GABRB2: variants seen among roughly 807,000 people sequenced by gnomAD.
GABRB2 encodes gamma-aminobutyric acid type A receptor subunit beta2, also known as gamma-aminobutyric acid receptor subunit beta-2.
GABRB2 carries 16 observed loss-of-function variants against 54.7 expected under a neutral mutation model. The ratio of observed to expected loss-of-function variants is 0.29; its 90% CI spans 0.20 to 0.44. The LOEUF is 0.44. GABRB2 is among the 20% of genes least tolerant of loss of function. GABRB2 has a pLI of 1.00. For synonymous variants in GABRB2, 244 were observed against 233.8 expected (o/e 1.04, Z -0.40); for missense variants, 355 against 644.0 (o/e 0.55, Z 4.86).
Position 161,444,835 on chromosome 5 carries a change from T to G in GABRB2, c.458+14789A>C, listed in dbSNP as rs547053470. Among the ~76,000 whole-genome samples the G allele has an allele frequency of 3.7e-4, 56 of 152,318 alleles. 1 individual carries two copies. The highest frequency in any genetic ancestry group is 1.3e-3 in the African/African-American group (54 of 41,578). The stretch of plus-strand genomic sequence containing the variant: ...TGGGTTTTAAATAATATCAGTTTGA[T>G]TTAATGCTTCTCTTTTTACTCCTCT... On this transcript the variant is annotated intron_variant, in intron 4 of 9. Transcript: ENST00000393959.
intron 3 of GABRB2, among the ~76,000 whole-genome samples, chr5:161,464,485 C>T (rs1476895486): frequency 6.6e-6 from 1 of 152,042 alleles, no homozygotes; most frequent in Non-Finnish European, 1.5e-5. Context: ...AAGTCTCATA[C>T]ATTGCAAGTG....
chr5:161,461,613 G>A (rs146180072), intron 3 of GABRB2, among the ~76,000 whole-genome samples: 5 of 152,250 alleles, frequency 3.3e-5, no homozygotes, highest in African/African-American at 9.6e-5. Flanking sequence ...AGAAGCCTAT[G>A]GGTACAATGT....
intron 3 of GABRB2, among the ~76,000 whole-genome samples, chr5:161,492,031 C>T (rs959015799): frequency 2.8e-4 from 42 of 151,160 alleles, no homozygotes; most frequent in Admixed American, 4.6e-4. Context: ...GTTAATGTAC[C>T]CATTACTGAA....
chr5:161,472,801 G>A (rs1758482857), intron 3 of GABRB2, among the ~76,000 whole-genome samples: 1 of 151,844 alleles, frequency 6.6e-6, no homozygotes. Flanking sequence ...ACTAAAACAT[G>A]CTCAGCATAA....
intron 3 of GABRB2, among the ~76,000 whole-genome samples, chr5:161,489,010 G>A (rs74480757): frequency 0.079 from 12,008 of 151,688 alleles, 642 homozygotes; most frequent in Non-Finnish European, 0.12. Context: ...AGATGCTTTC[G>A]AAAGAAATGC....
intron 3 of GABRB2, among the ~76,000 whole-genome samples, chr5:161,463,408 G>A (rs1006268165): frequency 1.3e-5 from 2 of 150,400 alleles, no homozygotes; most frequent in African/African-American, 4.9e-5. Flanking sequence ...GACTCACAAA[G>A]TGAATATTGT....
At chr5:161,475,133 A>G (rs1262838823) in intron 3 of GABRB2, among the ~76,000 whole-genome samples, 1 of 151,978 alleles carries the variant, frequency 6.6e-6, no homozygotes, top group Non-Finnish European at 1.5e-5. Context: ...TTTAGAGAGA[A>G]ATAGCTTAAT....
intron 9 of GABRB2, among the ~76,000 whole-genome samples, chr5:161,300,760 T>C (rs933997769): frequency 6.6e-6 from 1 of 152,202 alleles, no homozygotes; most frequent in South Asian, 2.1e-4. Flanking sequence ...TCCCAGGTGA[T>C]GCTGGGATGC....
chr5:161,500,595 T>C (rs552206130), intron 3 of GABRB2, among the ~76,000 whole-genome samples: 1 of 152,330 alleles, frequency 6.6e-6, no homozygotes, highest in East Asian at 1.9e-4. Context: ...TTTCAAGTAA[T>C]GTCTAAACTA....
At chr5:161,317,118 G>T (rs1758064620) in intron 9 of GABRB2, among the ~76,000 whole-genome samples, 2 of 151,924 alleles carry the variant, frequency 1.3e-5, no homozygotes, top group South Asian at 4.1e-4. Flanking sequence ...AGATCATACT[G>T]GCAAGAATAT....
chr5:161,536,132 C>T (rs768969756), intron 3 of GABRB2, among the ~76,000 whole-genome samples: 49 of 152,152 alleles, frequency 3.2e-4, no homozygotes, highest in South Asian at 1.0e-3. Context: ...ATTGACTATA[C>T]AGTCTCAGGT....
At chr5:161,446,445 C>T (rs1561653112) in intron 4 of GABRB2, among the ~76,000 whole-genome samples, 1 of 152,086 alleles carries the variant, frequency 6.6e-6, no homozygotes, top group African/African-American at 2.4e-5. Context: ...TCAGCTATTC[C>T]TCTTAAGAGA....
At chr5:161,416,821 A>G (rs866040830) in intron 4 of GABRB2, among the ~76,000 whole-genome samples, 4 of 152,026 alleles carry the variant, frequency 2.6e-5, no homozygotes, top group South Asian at 2.1e-4. Context: ...TAAAAGCACA[A>G]TTTATTCTAA....
At chr5:161,489,467 CA>C (rs1220648054) in intron 3 of GABRB2, among the ~76,000 whole-genome samples, 1 of 151,490 alleles carries the variant, frequency 6.6e-6, no homozygotes, top group Non-Finnish European at 1.5e-5. Flanking sequence ...ATGAGGAAAA[CA>C]AAAGACAAAC....
At chr5:161,421,778 G>C (rs1327991081) in intron 4 of GABRB2, among the ~76,000 whole-genome samples, 1 of 152,116 alleles carries the variant, frequency 6.6e-6, no homozygotes, top group African/African-American at 2.4e-5. Flanking sequence ...AGTGACCAAT[G>C]GTCAGGGAGG....
intron 3 of GABRB2, among the ~76,000 whole-genome samples, chr5:161,503,501 G>A (rs1759509336): frequency 6.6e-6 from 1 of 152,076 alleles, no homozygotes; most frequent in African/African-American, 2.4e-5. Context: ...CTGAGGTTGG[G>A]AGTTTGAGAA....
Position 161,323,012 on chromosome 5 carries a change from G to A in GABRB2, c.1191+3356C>T, listed in dbSNP as rs559560251. On this transcript the variant is annotated intron_variant, in intron 9 of 9. Coordinates refer to ENST00000393959, the MANE Select transcript of GABRB2 (RefSeq NM_001371727.1). ...TAAAATACTTTTTAATACATTTTTA[G>A]TATCTTGAAATATACTTTTTTTTTT... Among the ~76,000 whole-genome samples the A allele has an allele frequency of 5.1e-4, 76 of 148,608 alleles. 1 individual carries two copies. Among genetic ancestry groups the A allele is most frequent in the Middle Eastern group, 3.5e-3 (1 of 282 alleles).
intron 4 of GABRB2, among the ~76,000 whole-genome samples, chr5:161,437,874 T>A (rs1422727838): frequency 6.6e-6 from 1 of 152,196 alleles, no homozygotes; most frequent in Non-Finnish European, 1.5e-5. Flanking sequence ...ATAGCTCAGC[T>A]GCAACACAAC....
intron 3 of GABRB2, among the ~76,000 whole-genome samples, chr5:161,512,666 T>G (rs1759812791): frequency 6.6e-6 from 1 of 152,034 alleles, no homozygotes; most frequent in Admixed American, 6.6e-5. Flanking sequence ...GGAAAGAATT[T>G]ATGACTAAGT....
Sources: allele counts gnomAD v4.1 joint callset (sites outside exome capture counted in the v4.1 genomes callset), GRCh38; gene constraint gnomAD v4.1.1; transcripts MANE v1.5; gene names NCBI Gene and HGNC (gene_info 2026-07-23, HGNC 2026-07-21).